Variants in LINGO2 observed in about 807,000 individuals in gnomAD.
LINGO2 encodes the protein leucine rich repeat and Ig domain containing 2.
In LINGO2, 14 loss-of-function variants were observed where a neutral mutation model predicts 30.6. That is an observed-to-expected ratio of 0.46 (90% CI 0.30 to 0.72). The LOEUF is 0.72. LINGO2 is among the 30% of genes least tolerant of loss of function. LINGO2 has a pLI of 0.07. For missense variants in LINGO2, 729 were observed against 751.7 expected (o/e 0.97, Z 0.35); for synonymous variants, 317 against 288.5 (o/e 1.10, Z -1.00).
At chr9:28,022,766 T>C (rs1374302490) in intron 4 of LINGO2, among the ~76,000 whole-genome samples, 10 of 152,078 alleles carry the variant, frequency 6.6e-5, no homozygotes, top group Non-Finnish European at 1.5e-4. Context: ...TTCGTCATTA[T>C]TACTTACATT....
intron 1 of LINGO2, among the ~76,000 whole-genome samples, chr9:28,630,700 T>C (rs1826896108): frequency 6.6e-6 from 1 of 152,052 alleles, no homozygotes; most frequent in African/African-American, 2.4e-5. Context: ...GCAAAGATAT[T>C]TGAATGGCAT....
At chr9:27,996,994 T>C (rs1314940351) in intron 5 of LINGO2, among the ~76,000 whole-genome samples, 1 of 152,254 alleles carries the variant, frequency 6.6e-6, no homozygotes, top group African/African-American at 2.4e-5. Flanking sequence ...CAGCTTTAGC[T>C]GACACAGGTT....
chr9:28,082,169 T>C (rs1265858986), intron 4 of LINGO2, among the ~76,000 whole-genome samples: 2 of 152,126 alleles, frequency 1.3e-5, no homozygotes, highest in Admixed American at 6.5e-5. Context: ...TTGAAGCCCA[T>C]CAAAGGCAAA....
rs56335863 is a variant in LINGO2 at position 28,355,285 on chromosome 9, C to G, written c.-246+17551G>C. ...TGTCTCTCTCTCTGTCTCTGTCTCTCTCTCTCTCTCTATGTCTCTCTCTCT... is the reference window on the plus strand; with the variant it reads ...TGTCTCTCTCTCTGTCTCTGTCTCTGTCTCTCTCTCTATGTCTCTCTCTCT... On this transcript the variant is annotated intron_variant, in intron 3 of 5. Transcript: ENST00000379992. 5.3e-3 allele frequency among the ~76,000 whole-genome samples: 492 copies of G among 92,972 alleles called. 5 individuals are homozygous for G. Among genetic ancestry groups the G allele is most frequent in the Non-Finnish European group, 6.2e-3 (294 of 47,730 alleles). 61.0% of individuals were successfully genotyped at this position (92,972 alleles called of 152,430 possible). A position where few individuals can be genotyped will look rare whatever the true frequency, so the allele number is the denominator to read the frequency against.
intron 2 of LINGO2, among the ~76,000 whole-genome samples, chr9:28,424,895 T>C (rs1178081074): frequency 6.6e-6 from 1 of 152,096 alleles, no homozygotes; most frequent in African/African-American, 2.4e-5. Flanking sequence ...CTTTCAACCA[T>C]ACAGTGGTTC....
chr9:29,122,152 A>G, the LINGO2 span, among the ~76,000 whole-genome samples: 9 of 152,050 alleles, frequency 5.9e-5, 1 homozygote, highest in East Asian at 1.7e-3. Context: ...AAAATAAATT[A>G]AAAATATTCA....
At chr9:29,003,111 G>C in the LINGO2 span, among the ~76,000 whole-genome samples, 275 of 152,124 alleles carry the variant, frequency 1.8e-3, 1 homozygote, top group African/African-American at 6.3e-3. Context: ...CAGACGCTAA[G>C]AGTAAGGAAT....
chr9:28,820,051 C>T, the LINGO2 span, among the ~76,000 whole-genome samples: 4 of 152,104 alleles, frequency 2.6e-5, no homozygotes, highest in Admixed American at 2.0e-4. Flanking sequence ...GGGATATGTA[C>T]AGGGACCATG....
the LINGO2 span, among the ~76,000 whole-genome samples, chr9:28,932,107 A>AATAATAAAAT: frequency 1.9e-5 from 2 of 107,564 alleles, no homozygotes; most frequent in African/African-American, 7.3e-5. Flanking sequence ...ACTCTGACAA[A>AATAATAAAAT]AAAATAAAAT....
At position 28,076,348 on chromosome 9, in the gene LINGO2, C is replaced by T. The variant is rs1587815109; in HGVS notation, c.-86-63943G>A. On this transcript the variant is annotated intron_variant, in intron 4 of 5. Transcript: ENST00000379992. ...TACCATTGAAGCATGAACATGCATA[C>T]TTAATAAAATCTAAAGTTAATCAGT... is the stretch of plus-strand genomic sequence containing the variant. Among the ~76,000 whole-genome samples the T allele has an allele frequency of 3.3e-5, 5 of 152,144 alleles. No individual in the cohort carries two copies. In the South Asian group the frequency reaches 1.0e-3, roughly 32 times the overall value.
the LINGO2 span, among the ~76,000 whole-genome samples, chr9:28,721,541 C>A: frequency 6.6e-6 from 1 of 152,098 alleles, no homozygotes; most frequent in Admixed American, 6.6e-5. Flanking sequence ...CCATCATTCT[C>A]AGAAAACTAA....
At chr9:28,836,473 C>T in the LINGO2 span, among the ~76,000 whole-genome samples, 1,232 of 152,148 alleles carry the variant, frequency 8.1e-3, 71 homozygotes, top group East Asian at 0.16. Flanking sequence ...CACCACCACA[C>T]CCAGCTAATT....
chr9:28,142,750 T>A (rs1827708892), intron 4 of LINGO2, among the ~76,000 whole-genome samples: 1 of 152,194 alleles, frequency 6.6e-6, no homozygotes, highest in Non-Finnish European at 1.5e-5. Flanking sequence ...TCGGGTAGGT[T>A]AAGGATGCTA....
chr9:28,161,291 A>C (rs1359324197), intron 4 of LINGO2, among the ~76,000 whole-genome samples: 1 of 152,142 alleles, frequency 6.6e-6, no homozygotes, highest in African/African-American at 2.4e-5. Context: ...GGAGATAAAG[A>C]TATTTGGATG....
At chr9:29,000,920 A>G in the LINGO2 span, among the ~76,000 whole-genome samples, 1 of 151,972 alleles carries the variant, frequency 6.6e-6, no homozygotes, top group African/African-American at 2.4e-5. Flanking sequence ...TATACTTTGA[A>G]CCATTTTAAT....
At chr9:29,070,602 C>G in the LINGO2 span, among the ~76,000 whole-genome samples, 15 of 152,194 alleles carry the variant, frequency 9.9e-5, no homozygotes, top group South Asian at 2.9e-3. Flanking sequence ...AGGTGGAAAT[C>G]AGACAGACAT....
intron 2 of LINGO2, among the ~76,000 whole-genome samples, chr9:28,387,761 A>C (rs1821651432): frequency 6.6e-6 from 1 of 151,538 alleles, no homozygotes; most frequent in Non-Finnish European, 1.5e-5. Context: ...TGAACGAACA[A>C]CTCTGGACGT....
At chr9:28,392,162 C>A (rs1258547073) in intron 2 of LINGO2, among the ~76,000 whole-genome samples, 1 of 152,176 alleles carries the variant, frequency 6.6e-6, no homozygotes, top group Non-Finnish European at 1.5e-5. Flanking sequence ...GAGATTGTGC[C>A]ACAGCGTTCC....
chr9:29,002,265 T>A, the LINGO2 span, among the ~76,000 whole-genome samples: 1 of 152,062 alleles, frequency 6.6e-6, no homozygotes, highest in Admixed American at 6.6e-5. Flanking sequence ...CTTGATTATA[T>A]ATCCCAAGAA....
Sources: allele counts gnomAD v4.1 joint callset (sites outside exome capture counted in the v4.1 genomes callset), GRCh38; gene constraint gnomAD v4.1.1; transcripts MANE v1.5; gene names NCBI Gene and HGNC (gene_info 2026-07-23, HGNC 2026-07-21).